PDE3A: variants seen among roughly 807,000 people sequenced by gnomAD.
PDE3A encodes cGMP-inhibited 3',5'-cyclic phosphodiesterase 3A.
Under a neutral mutation model 98.3 loss-of-function variants are expected in PDE3A, and 43 were observed. That is an observed-to-expected ratio of 0.44 (90% CI 0.34 to 0.56). The LOEUF is 0.56. Among genes scored for constraint, PDE3A ranks in the 20% least tolerant of loss-of-function variants. The pLI, the probability that PDE3A is intolerant of heterozygous loss-of-function variation, is 0.01. For synonymous variants in PDE3A, 663 were observed against 567.9 expected, an observed-to-expected ratio of 1.17 and a Z score of -2.38; for missense variants, 1,427 against 1,440.7, an observed-to-expected ratio of 0.99 and a Z score of 0.15.
intron 1 of PDE3A, among the ~76,000 whole-genome samples, chr12:20,457,263 A>C (rs7952834): frequency 0.18 from 27,617 of 150,818 alleles, 2,674 homozygotes; most frequent in East Asian, 0.28. Context: ...ATTATATATT[A>C]TTCTATTCTA....
chr12:20,424,714 A>T (rs1944576116), intron 1 of PDE3A, among the ~76,000 whole-genome samples: 4 of 152,228 alleles, frequency 2.6e-5, no homozygotes, highest in Admixed American at 2.6e-4. Flanking sequence ...GCAAGTTTAT[A>T]TCACTCACAC....
chr12:20,393,215 G>A (rs570864757), intron 1 of PDE3A, among the ~76,000 whole-genome samples: 1 of 151,928 alleles, frequency 6.6e-6, no homozygotes, highest in African/African-American at 2.4e-5. Context: ...GGTTTAATTG[G>A]ACTTACAGTT....
intron 1 of PDE3A, among the ~76,000 whole-genome samples, chr12:20,406,206 A>G (rs1317923255): frequency 6.6e-6 from 1 of 152,200 alleles, no homozygotes; most frequent in Non-Finnish European, 1.5e-5. Context: ...GAGGGCAGAT[A>G]TCTCTGTGAC....
chr12:20,638,649 C>A (rs2121513488), intron 9 of PDE3A, among the ~76,000 whole-genome samples: 1 of 152,228 alleles, frequency 6.6e-6, no homozygotes, highest in South Asian at 2.1e-4. Context: ...AAAACTGCAA[C>A]TTTGAGGGAG....
chr12:20,461,200 A>G (rs1945242227), intron 1 of PDE3A, among the ~76,000 whole-genome samples: 1 of 149,954 alleles, frequency 6.7e-6, no homozygotes, highest in Non-Finnish European at 1.5e-5. Context: ...TTATCTTTGT[A>G]ACAGAGAGCA....
chr12:20,681,541 C>CAA lies in PDE3A; in HGVS notation c.*1271_*1272dup, dbSNP rs1945784085. 6.6e-6 allele frequency: 1 copy of CAA among 152,188 alleles called. No individual in the cohort carries two copies. Among genetic ancestry groups the CAA allele is most frequent in the South Asian group, 2.1e-4 (1 of 4,828 alleles). The allele number at this position is 152,188 out of a possible 1,614,324, so 9.4% of individuals were successfully genotyped here. On this transcript the variant is annotated 3_prime_UTR_variant, in exon 16 of 16. Transcript: ENST00000359062. ...GACATAGGAAAAGCCTGATTCTTGGCAACTGTTGTAGTTTGTCTTTCAGGG... is the reference window on the plus strand; with the variant it reads ...GACATAGGAAAAGCCTGATTCTTGGCAAAACTGTTGTAGTTTGTCTTTCAGGG...
At chr12:20,643,377 G>A (rs1221633848) in intron 10 of PDE3A, among the ~76,000 whole-genome samples, 2 of 152,034 alleles carry the variant, frequency 1.3e-5, no homozygotes, top group South Asian at 2.1e-4. Context: ...TTCTTTCCTG[G>A]GTGTCTTTGC....
At chr12:20,520,232 GC>G (rs1480056744) in intron 1 of PDE3A, among the ~76,000 whole-genome samples, 3 of 152,138 alleles carry the variant, frequency 2.0e-5, no homozygotes, top group African/African-American at 7.2e-5. Flanking sequence ...AACCATCTAT[GC>G]CATGACAAAT....
intron 2 of PDE3A, among the ~76,000 whole-genome samples, chr12:20,609,241 AACAG>A (rs1943788770): frequency 1.3e-5 from 2 of 152,062 alleles, no homozygotes; most frequent in South Asian, 4.1e-4. Flanking sequence ...ATTGAAAATC[AACAG>A]ACAAAAATCA....
At position 20,686,764 on chromosome 12, in the gene PDE3A, T is replaced by C. The variant is rs1363088588; in HGVS notation, c.*6493T>C. ...AATAAGCAGAAATTCTCCTCTGCCA[T>C]AATTAAAAGAAAGAATGGCCTTCGA... On this transcript the variant is annotated 3_prime_UTR_variant, in exon 16 of 16. Coordinates refer to ENST00000359062, the MANE Select transcript of PDE3A (RefSeq NM_000921.5). Among the ~76,000 whole-genome samples, 2 of 152,148 alleles carry C rather than the reference T, an allele frequency of 1.3e-5. No individual in the cohort carries two copies. Among genetic ancestry groups the C allele is most frequent in the Admixed American group, 1.3e-4 (2 of 15,260 alleles).
Position 20,604,107 on chromosome 12 carries a change from G to A in PDE3A, c.1012-9336G>A, listed in dbSNP as rs568826000. ...TTGCTTGAAACCAGGAGGCGGAGGTGGCAGTGAGCTGAGATCGTGCCACTG... is the reference window on the plus strand; with the variant it reads ...TTGCTTGAAACCAGGAGGCGGAGGTAGCAGTGAGCTGAGATCGTGCCACTG... On this transcript the variant is annotated intron_variant, in intron 2 of 15. Coordinates refer to ENST00000359062, the MANE Select transcript of PDE3A (RefSeq NM_000921.5). 2.8e-3 allele frequency among the ~76,000 whole-genome samples: 429 copies of A among 151,876 alleles called. 1 individual carries two copies. Among genetic ancestry groups the A allele is most frequent in the Admixed American group, 7.5e-3 (115 of 15,244 alleles).
chr12:20,647,726 C>T (rs755813198), intron 12 of PDE3A, among the ~76,000 whole-genome samples: 2 of 151,972 alleles, frequency 1.3e-5, no homozygotes, highest in Non-Finnish European at 2.9e-5. Context: ...ATAGGCTATT[C>T]TATAGTTTTT....
intron 2 of PDE3A, among the ~76,000 whole-genome samples, chr12:20,609,333 A>ATACT (rs1311961132): frequency 1.3e-5 from 2 of 152,076 alleles, no homozygotes; most frequent in Non-Finnish European, 2.9e-5. Context: ...AGCATAAAAA[A>ATACT]TACTTAGGGA....
At chr12:20,469,836 A>C (rs746472837) in intron 1 of PDE3A, among the ~76,000 whole-genome samples, 4 of 152,238 alleles carry the variant, frequency 2.6e-5, no homozygotes, top group Non-Finnish European at 5.9e-5. Context: ...AACACAGCCT[A>C]ACAGTGCTAT....
intron 1 of PDE3A, among the ~76,000 whole-genome samples, chr12:20,504,751 A>G (rs1946084279): frequency 6.6e-6 from 1 of 151,992 alleles, no homozygotes; most frequent in Admixed American, 6.6e-5. Context: ...TATAATTTCT[A>G]CCATCTTCAC....
intron 2 of PDE3A, chr12:20,557,150 G>A (rs890057932): frequency 1.2e-5 from 2 of 162,112 alleles, no homozygotes; most frequent in African/African-American, 4.8e-5. Flanking sequence ...CTTCATCTGA[G>A]GGAAACAGAA....
At chr12:20,545,567 T>C (rs1351781919) in intron 1 of PDE3A, among the ~76,000 whole-genome samples, 1 of 151,762 alleles carries the variant, frequency 6.6e-6, no homozygotes, top group Non-Finnish European at 1.5e-5. Context: ...TAAAGGAGGG[T>C]CAATTTTAAG....
intron 2 of PDE3A, among the ~76,000 whole-genome samples, chr12:20,609,849 A>G (rs1294385053): frequency 1.3e-5 from 2 of 152,030 alleles, no homozygotes; most frequent in Admixed American, 6.6e-5. Context: ...TTCTACATGC[A>G]AAAGAATGAA....
At chr12:20,427,056 G>C (rs1251935373) in intron 1 of PDE3A, among the ~76,000 whole-genome samples, 1 of 152,134 alleles carries the variant, frequency 6.6e-6, no homozygotes, top group Non-Finnish European at 1.5e-5. Context: ...AATGGATCAA[G>C]GAACATTGGA....
Sources: allele counts gnomAD v4.1 joint callset (sites outside exome capture counted in the v4.1 genomes callset), GRCh38; gene constraint gnomAD v4.1.1; transcripts MANE v1.5; gene names NCBI Gene and HGNC (gene_info 2026-07-23, HGNC 2026-07-21).